Variants in COL13A1 observed in about 807,000 individuals in gnomAD.
COL13A1 encodes collagen type XIII alpha 1 chain.
Under a neutral mutation model 130.9 loss-of-function variants are expected in COL13A1, and 89 were observed. The observed-to-expected ratio is 0.68, with a 90% CI of 0.57 to 0.81. The LOEUF is 0.81. COL13A1 is among the 30% of genes least tolerant of loss of function. COL13A1 has a pLI of 0.00. For missense variants in COL13A1, 879 were observed against 934.6 expected (o/e 0.94, Z 0.78); for synonymous variants, 402 against 341.6 (o/e 1.18, Z -1.95).
intron 4 of COL13A1, 145 bp from the exon 5 acceptor site, chr10:69,874,983 T>C (rs909879977): frequency 1.2e-6 from 1 of 869,102 alleles, no homozygotes; most frequent in African/African-American, 1.6e-5. Flanking sequence ...ACCTACATGA[T>C]GCTTGGGCAT....
chr10:69,803,439 C>T (rs1840608191), intron 1 of COL13A1, among the ~76,000 whole-genome samples: 1 of 152,232 alleles, frequency 6.6e-6, no homozygotes, highest in South Asian at 2.1e-4. Flanking sequence ...CAGGAAAAGG[C>T]TGTCCCCTCC....
intron 38 of COL13A1, among the ~76,000 whole-genome samples, chr10:69,948,087 G>T (rs567939305): frequency 2.0e-5 from 3 of 152,188 alleles, no homozygotes; most frequent in South Asian, 2.1e-4. Context: ...TTCCTGGAGT[G>T]GGGGGCACAC....
At chr10:69,866,450 A>G (rs529959783) in intron 2 of COL13A1, among the ~76,000 whole-genome samples, 112 of 152,310 alleles carry the variant, frequency 7.4e-4, no homozygotes, top group South Asian at 1.4e-3. Context: ...CATCTCCCCC[A>G]GCCAGGAGGC....
At chr10:69,823,617 T>C (rs1036084656) in intron 2 of COL13A1, among the ~76,000 whole-genome samples, 11 of 152,186 alleles carry the variant, frequency 7.2e-5, no homozygotes, top group African/African-American at 2.7e-4. Context: ...TGACAGATGT[T>C]AAGCATATGG....
intron 15 of COL13A1, among the ~76,000 whole-genome samples, chr10:69,903,519 C>A (rs2062417140): frequency 6.6e-6 from 1 of 152,218 alleles, no homozygotes; most frequent in African/African-American, 2.4e-5. Flanking sequence ...CTTTCCCAGC[C>A]CAATTTATAC....
chr10:69,928,506 C>A, intron 27 of COL13A1, among the ~76,000 whole-genome samples: 1 of 152,206 alleles, frequency 6.6e-6, no homozygotes, highest in East Asian at 1.9e-4. Context: ...TTGAGATGCA[C>A]CCTTGTCATC....
At chr10:69,839,751 G>A (rs2133202082) in intron 2 of COL13A1, among the ~76,000 whole-genome samples, 1 of 146,806 alleles carries the variant, frequency 6.8e-6, no homozygotes, top group East Asian at 2.0e-4. Flanking sequence ...CTGAAGAAGA[G>A]AAAGGTCAGA....
intron 39 of COL13A1, 140 bp from the exon 40 acceptor site, chr10:69,956,864 G>A (rs1030628233): frequency 1.0e-5 from 7 of 667,286 alleles, no homozygotes; most frequent in African/African-American, 7.1e-5. Flanking sequence ...ACCTGTAGTA[G>A]AGAAAAGAAA....
chr10:69,890,536 C>T (rs1283217052), intron 10 of COL13A1, among the ~76,000 whole-genome samples: 2 of 152,230 alleles, frequency 1.3e-5, no homozygotes, highest in Non-Finnish European at 2.9e-5. Flanking sequence ...GGGGGCCTGG[C>T]TCATGCCTTG....
chr10:69,815,316 C>G (rs1844177104), intron 1 of COL13A1, among the ~76,000 whole-genome samples: 1 of 152,178 alleles, frequency 6.6e-6, no homozygotes, highest in Non-Finnish European at 1.5e-5. Flanking sequence ...GCCACATTCT[C>G]TGGGGGGAGT....
intron 21 of COL13A1, among the ~76,000 whole-genome samples, chr10:69,921,658 A>G (rs921935856): frequency 1.3e-5 from 2 of 152,194 alleles, no homozygotes; most frequent in African/African-American, 4.8e-5. Context: ...ACATGGGAAT[A>G]AGGAAAGCAG....
chr10:69,852,750 G>A (rs1485885726), intron 2 of COL13A1, among the ~76,000 whole-genome samples: 1 of 152,254 alleles, frequency 6.6e-6, no homozygotes, highest in Non-Finnish European at 1.5e-5. Flanking sequence ...GTCCCATTTT[G>A]GGAGACCCCA....
At chr10:69,842,549 G>T (rs1851880759) in intron 2 of COL13A1, among the ~76,000 whole-genome samples, 1 of 152,160 alleles carries the variant, frequency 6.6e-6, no homozygotes, top group African/African-American at 2.4e-5. Flanking sequence ...CCAAAGCATT[G>T]GTCTGTCCAT....
chr10:69,952,826 C>A, intron 38 of COL13A1, 56 bp from the exon 39 acceptor site: 1 of 1,196,492 alleles, frequency 8.4e-7, no homozygotes, highest in Non-Finnish European at 1.2e-6. Flanking sequence ...AACCTTAACA[C>A]ATGAATGATC....
intron 2 of COL13A1, among the ~76,000 whole-genome samples, chr10:69,847,133 C>A (rs1171261240): frequency 6.6e-6 from 1 of 152,194 alleles, no homozygotes; most frequent in Non-Finnish European, 1.5e-5. Flanking sequence ...TTACAGGGTG[C>A]CGGACCGCAT....
intron 10 of COL13A1, among the ~76,000 whole-genome samples, chr10:69,890,714 A>G (rs2061090827): frequency 6.6e-6 from 1 of 152,260 alleles, no homozygotes; most frequent in African/African-American, 2.4e-5. Context: ...TCTGGGCCCC[A>G]ACCTGTCCTC....
chr10:69,925,846 A>G lies in COL13A1; in HGVS notation c.1372A>G (p.Asn458Asp), dbSNP rs758715711. The G allele has an allele frequency of 5.0e-6, 8 of 1,600,238 alleles. No homozygotes were observed. The highest frequency in any genetic ancestry group is 6.0e-6 in the Non-Finnish European group (7 of 1,173,542). The change falls in exon 26 of 41, where the codon AAT (asparagine) becomes GAT (aspartate). Residue 458 changes from asparagine (N) to aspartate (D), a missense_variant. Asn to Asp is a conservative substitution (Grantham distance 23). This residue lies in a region of COL13A1 where 715 missense variants were observed against 721.0 expected (regional missense o/e 0.99). Coordinates refer to ENST00000645393, the MANE Select transcript of COL13A1 (RefSeq NM_001368882.1). The stretch of plus-strand genomic sequence containing the variant: ...AGGGAAAGGAGAGATGGTGGATTAC[A>G]ATGGAAACATCAATGAGGCTCTCCA... ...EPGKGEMVDYNGNINEALQEI... is the reference protein window; with the variant it reads ...EPGKGEMVDYDGNINEALQEI...
chr10:69,953,120 C>T lies in COL13A1; in HGVS notation c.2145+152C>T, dbSNP rs117364434. On this transcript the variant is annotated intron_variant, in intron 39 of 40. Transcript: ENST00000645393. The stretch of plus-strand genomic sequence containing the variant: ...TGTTCATTTGACTGGTGAAATTCTG[C>T]CCGCTGTTGGATTTGCTTTGTAACC... Among the ~76,000 whole-genome samples the T allele has an allele frequency of 6.1e-3, 936 of 152,356 alleles. 4 individuals are homozygous for T. Among genetic ancestry groups the T allele is most frequent in the Non-Finnish European group, 0.01 (683 of 68,036 alleles).
chr10:69,940,989 G>A lies in COL13A1; in HGVS notation c.1880G>A (p.Gly627Glu), dbSNP rs868185554. 11 of 1,613,798 alleles carry A rather than the reference G, an allele frequency of 6.8e-6. No individual in the cohort carries two copies. The Middle Eastern group carries it at 6.6e-4, about 97-fold the overall frequency. Residue 627 changes from glycine (G) to glutamate (E), a missense_variant and splice_region_variant, in exon 35 of 41, where the codon GGA becomes GAA. By Grantham distance (98) the Gly-to-Glu change is moderately conservative (BLOSUM62 -2). Around this residue, in one of 3 missense-constraint regions of COL13A1, gnomAD observed 96 missense variants for 147.7 expected, o/e 0.65. Coordinates refer to ENST00000645393, the MANE Select transcript of COL13A1 (RefSeq NM_001368882.1). Reference protein sequence around the residue: ...KGDRGPLGLPGASGLDGRPGP... With the variant: ...KGDRGPLGLPEASGLDGRPGP... Reference sequence around the variant, plus strand: ...GGTCAAACTGTGCCCTTCGTCCAGGGAGCTTCAGGTTTGGACGGCAGGCCT... The same window carrying A: ...GGTCAAACTGTGCCCTTCGTCCAGGAAGCTTCAGGTTTGGACGGCAGGCCT...
Sources: allele counts gnomAD v4.1 joint callset (sites outside exome capture counted in the v4.1 genomes callset), GRCh38; gene constraint gnomAD v4.1.1; regional missense constraint gnomAD v4.1.1; transcripts MANE v1.5; gene names NCBI Gene and HGNC (gene_info 2026-07-23, HGNC 2026-07-21).